Variants in GABBR2 observed in about 807,000 individuals in gnomAD.
GABBR2 encodes G-protein coupled receptor 51.
A neutral mutation model predicts 105.6 loss-of-function variants in GABBR2; 23 were observed. That is an observed-to-expected ratio of 0.22 (90% CI 0.16 to 0.31). The LOEUF is 0.31. Among genes scored for constraint, GABBR2 ranks in the 10% least tolerant of loss-of-function variants. GABBR2 has a pLI of 1.00. For missense variants in GABBR2, 734 were observed against 1,245.5 expected (o/e 0.59, Z 6.18); for synonymous variants, 478 against 499.7 (o/e 0.96, Z 0.58).
intron 9 of GABBR2, among the ~76,000 whole-genome samples, chr9:98,391,294 TCCAC>T (rs1832175754): frequency 6.6e-6 from 1 of 152,188 alleles, no homozygotes; most frequent in Non-Finnish European, 1.5e-5. Flanking sequence ...TCCCACTTGA[TCCAC>T]CCAACAGCCT....
At chr9:98,649,487 C>T (rs1409361012) in intron 1 of GABBR2, among the ~76,000 whole-genome samples, 1 of 152,130 alleles carries the variant, frequency 6.6e-6, no homozygotes, top group African/African-American at 2.4e-5. Flanking sequence ...TCCCAGGGAT[C>T]CCATGGCTAC....
chr9:98,419,730 C>A (rs1197527906), intron 7 of GABBR2, among the ~76,000 whole-genome samples: 1 of 152,120 alleles, frequency 6.6e-6, no homozygotes, highest in Non-Finnish European at 1.5e-5. Context: ...CCTCAGAAGG[C>A]CTTGTCAGAG....
chr9:98,310,150 G>C (rs1376802145), intron 14 of GABBR2, among the ~76,000 whole-genome samples: 2 of 152,206 alleles, frequency 1.3e-5, no homozygotes, highest in South Asian at 2.1e-4. Context: ...GGATATAGGA[G>C]AGAAGATTCA....
chr9:98,502,110 T>C (rs978090505), intron 3 of GABBR2, among the ~76,000 whole-genome samples: 1 of 151,978 alleles, frequency 6.6e-6, no homozygotes, highest in African/African-American at 2.4e-5. Context: ...GCAGTCTTTA[T>C]CCATGCCTGC....
intron 6 of GABBR2, among the ~76,000 whole-genome samples, chr9:98,466,365 A>T (rs550884275): frequency 1.3e-5 from 2 of 152,256 alleles, no homozygotes; most frequent in African/African-American, 4.8e-5. Context: ...ACATAAAGGC[A>T]GTTTCTGAAT....
chr9:98,404,215 A>C (rs974721030), intron 8 of GABBR2, among the ~76,000 whole-genome samples: 1 of 150,962 alleles, frequency 6.6e-6, no homozygotes, highest in South Asian at 2.1e-4. Context: ...AAAAAAAAGT[A>C]AGTATCTTTG....
At chr9:98,421,852 G>C (rs527779544) in intron 7 of GABBR2, among the ~76,000 whole-genome samples, 21 of 152,290 alleles carry the variant, frequency 1.4e-4, no homozygotes, top group African/African-American at 5.1e-4. Context: ...CCAAGTAAAG[G>C]TTTAAATGAG....
At chr9:98,574,036 G>A (rs10986793) in intron 2 of GABBR2, among the ~76,000 whole-genome samples, 3,749 of 152,296 alleles carry the variant, frequency 0.025, 84 homozygotes, top group Non-Finnish European at 0.038. Context: ...GGGAAAAGAA[G>A]GAGATCAGGG....
At chr9:98,637,073 T>C (rs1027507288) in intron 1 of GABBR2, among the ~76,000 whole-genome samples, 22 of 152,274 alleles carry the variant, frequency 1.4e-4, no homozygotes, top group Admixed American at 3.3e-4. Flanking sequence ...CCATCCCAAC[T>C]TTGAAGAGCT....
chr9:98,463,329 C>G (rs983223991), intron 6 of GABBR2, among the ~76,000 whole-genome samples: 6 of 152,174 alleles, frequency 3.9e-5, no homozygotes, highest in Admixed American at 6.5e-5. Flanking sequence ...CTAAATTGAT[C>G]TACAGATTCA....
chr9:98,446,386 G>A (rs568171736), intron 7 of GABBR2, among the ~76,000 whole-genome samples: 1 of 152,296 alleles, frequency 6.6e-6, no homozygotes, highest in Non-Finnish European at 1.5e-5. Flanking sequence ...GGAAACTGAG[G>A]CACAGAGATG....
chr9:98,634,503 C>A (rs918320655), intron 1 of GABBR2, among the ~76,000 whole-genome samples: 4 of 152,100 alleles, frequency 2.6e-5, no homozygotes, highest in Non-Finnish European at 5.9e-5. Flanking sequence ...ATGAAGAAGG[C>A]CGCTTGAGGA....
At chr9:98,394,896 T>C (rs965228320) in intron 8 of GABBR2, among the ~76,000 whole-genome samples, 2 of 152,230 alleles carry the variant, frequency 1.3e-5, no homozygotes, top group Admixed American at 6.5e-5. Flanking sequence ...ATTGCTATTA[T>C]ATGCATCCTT....
At chr9:98,552,826 A>G (rs1828514438) in intron 2 of GABBR2, among the ~76,000 whole-genome samples, 1 of 152,010 alleles carries the variant, frequency 6.6e-6, no homozygotes, top group South Asian at 2.1e-4. Flanking sequence ...TTTTTCATCA[A>G]ATGCACAGCA....
At chr9:98,501,279 C>T (rs1241844099) in intron 3 of GABBR2, among the ~76,000 whole-genome samples, 1 of 152,088 alleles carries the variant, frequency 6.6e-6, no homozygotes, top group Admixed American at 6.5e-5. Flanking sequence ...ATTCTCCTGC[C>T]TCAGCCTCCC....
chr9:98,397,555 C>T (rs984561508), intron 8 of GABBR2, among the ~76,000 whole-genome samples: 2 of 152,260 alleles, frequency 1.3e-5, no homozygotes, highest in African/African-American at 2.4e-5. Context: ...CAATAAATTA[C>T]GGTTATTTTA....
At chr9:98,383,929 A>G (rs987025051) in intron 11 of GABBR2, among the ~76,000 whole-genome samples, 7 of 152,184 alleles carry the variant, frequency 4.6e-5, no homozygotes, top group African/African-American at 1.7e-4. Flanking sequence ...AGCATCCCTC[A>G]CTGCTAGCCT....
chr9:98,323,997 T>C (rs1020983592), intron 13 of GABBR2, among the ~76,000 whole-genome samples: 2 of 152,096 alleles, frequency 1.3e-5, no homozygotes, highest in African/African-American at 4.8e-5. Context: ...CCAACCACCC[T>C]AGGAGGTTAG....
chr9:98,361,378 C>G (rs895758893), intron 13 of GABBR2, among the ~76,000 whole-genome samples: 1 of 151,834 alleles, frequency 6.6e-6, no homozygotes, highest in Admixed American at 6.6e-5. Context: ...CATCATCGCT[C>G]TTATCATCGT....
Sources: allele counts gnomAD v4.1 joint callset (sites outside exome capture counted in the v4.1 genomes callset), GRCh38; gene constraint gnomAD v4.1.1; transcripts MANE v1.5; gene names NCBI Gene and HGNC (gene_info 2026-07-23, HGNC 2026-07-21).